Variants in RBM6 observed in about 807,000 individuals in gnomAD.
RBM6 encodes RNA binding motif protein 6.
A neutral mutation model predicts 140.4 loss-of-function variants in RBM6; 23 were observed. The ratio of observed to expected loss-of-function variants is 0.16; its 90% confidence interval spans 0.12 to 0.23. RBM6 has a LOEUF of 0.23. Ranked by LOEUF, RBM6 falls within the 10% of genes least tolerant of loss-of-function variation. The pLI is 1.00. For missense variants in RBM6, 1,139 were observed against 1,386.7 expected (o/e 0.82, Z 2.84); for synonymous variants, 439 against 475.6 (o/e 0.92, Z 1.00).
Position 50,022,576 on chromosome 3 carries a change from T to C in RBM6, c.1557+23063T>C, listed in dbSNP as rs559318912. ...AACTCCCGATCTTAGGTGATCTGCC[T>C]ACTTTGGCCTCCCAAAGTGCTGGGA... On this transcript the variant is annotated intron_variant, in intron 6 of 20. Transcript: ENST00000266022. 1.1e-4 allele frequency among the ~76,000 whole-genome samples: 17 copies of C among 152,280 alleles called. No homozygotes were observed. In the East Asian group the frequency reaches 3.3e-3, roughly 29 times the overall value.
chr3:50,076,660 C>T (rs1272998770), intron 20 of RBM6, among the ~76,000 whole-genome samples: 2 of 150,992 alleles, frequency 1.3e-5, no homozygotes, highest in African/African-American at 4.9e-5. Flanking sequence ...CCAAGGTGGG[C>T]GGATCACTTG....
Position 50,068,705 on chromosome 3 carries a change from C to T in RBM6, c.2959C>T (p.His987Tyr). 6.2e-7 allele frequency: 1 copy of T among 1,614,080 alleles called. No individual in the cohort carries two copies. The highest frequency in any genetic ancestry group is 8.5e-7 in the Non-Finnish European group (1 of 1,179,982). ...CTCTTCTCAGCAAAACCTGGAAATC[C>T]ACCGGAAGATAAAACAGTCTGAGCA... The part of the protein sequence containing the change: ...SDLHKQNLEI[H>Y]RKIKQSEQEL... Residue 987 changes from histidine (H) to tyrosine (Y), a missense_variant, in exon 18 of 21, where the codon CAC (histidine) becomes TAC (tyrosine). By Grantham distance (83) the His-to-Tyr change is moderately conservative. Transcript: ENST00000266022.
At position 50,048,362 on chromosome 3, in the gene RBM6, A is replaced by G. The variant is rs770398752; in HGVS notation, c.1632+43A>G. The G allele has an allele frequency of 1.1e-5, 17 of 1,593,346 alleles. No individual in the cohort carries two copies. In the East Asian group the frequency reaches 2.0e-4, roughly 19 times the overall value. On this transcript the variant is annotated intron_variant, in intron 7 of 20. Coordinates refer to ENST00000266022, the MANE Select transcript of RBM6 (RefSeq NM_005777.3). ...CTTTCTTTAGAAGTAAGTATCTGGA[A>G]TAACAGCTCCTCCATATCTCTAGGA...
At chr3:50,075,565 T>C (rs12494077) in intron 20 of RBM6, among the ~76,000 whole-genome samples, 11,997 of 152,132 alleles carry the variant, frequency 0.079, 523 homozygotes, top group African/African-American at 0.1. Flanking sequence ...TCATCATACT[T>C]TTACATGGAG....
At chr3:50,019,421 T>A (rs1039850369) in intron 6 of RBM6, among the ~76,000 whole-genome samples, 38 of 152,350 alleles carry the variant, frequency 2.5e-4, no homozygotes, top group Middle Eastern at 3.4e-3. Flanking sequence ...TGTCCTTTTC[T>A]TGGCTTATTG....
chr3:50,009,707 G>A (rs540233564), intron 6 of RBM6, among the ~76,000 whole-genome samples: 6 of 151,494 alleles, frequency 4.0e-5, no homozygotes, highest in South Asian at 4.2e-4. Flanking sequence ...ACAGGTGTGC[G>A]CCACCACACC....
chr3:50,008,579 G>A (rs1169105274), intron 6 of RBM6, among the ~76,000 whole-genome samples: 1 of 120,618 alleles, frequency 8.3e-6, no homozygotes, highest in East Asian at 2.6e-4. Context: ...TTTTGAGACG[G>A]ATCTTGCTCT....
intron 6 of RBM6, among the ~76,000 whole-genome samples, chr3:50,036,391 A>G (rs1457192504): frequency 6.6e-6 from 1 of 152,160 alleles, no homozygotes; most frequent in Non-Finnish European, 1.5e-5. Context: ...ATGCCTTTGT[A>G]GCACATGATC....
intron 5 of RBM6, among the ~76,000 whole-genome samples, chr3:49,991,142 G>A (rs1261563742): frequency 1.3e-5 from 2 of 152,126 alleles, no homozygotes; most frequent in African/African-American, 2.4e-5. Flanking sequence ...AAATACTTAT[G>A]TTTATCAGTT....
At chr3:50,052,388 C>T (rs1215411887) in intron 7 of RBM6, among the ~76,000 whole-genome samples, 3 of 152,082 alleles carry the variant, frequency 2.0e-5, no homozygotes, top group Non-Finnish European at 4.4e-5. Context: ...TTAAATTATA[C>T]CTACTAAGGT....
At chr3:49,973,069 T>C (rs1242659742) in intron 4 of RBM6, among the ~76,000 whole-genome samples, 1 of 152,084 alleles carries the variant, frequency 6.6e-6, no homozygotes, top group East Asian at 1.9e-4. Context: ...GACCTCAGGT[T>C]ATCTCCCTGC....
intron 5 of RBM6, among the ~76,000 whole-genome samples, chr3:49,986,519 C>T (rs1420037696): frequency 1.3e-5 from 2 of 148,628 alleles, no homozygotes; most frequent in African/African-American, 4.9e-5. Flanking sequence ...GGCATGAACC[C>T]GGGAGGCAGA....
chr3:50,007,644 C>T (rs1301314477), intron 6 of RBM6, among the ~76,000 whole-genome samples: 1 of 151,690 alleles, frequency 6.6e-6, no homozygotes, highest in Non-Finnish European at 1.5e-5. Flanking sequence ...ACCATTCTCT[C>T]GCCTCAGCCT....
Position 49,971,968 on chromosome 3 carries a change from A to G in RBM6, c.1324-91A>G, listed in dbSNP as rs1014219575. ...TATCTTCACGTGACATGTCATTATCATTTTTGATCCTGAGTGGCTAAATTT... is the reference window on the plus strand; with the variant it reads ...TATCTTCACGTGACATGTCATTATCGTTTTTGATCCTGAGTGGCTAAATTT... On this transcript the variant is annotated intron_variant, in intron 3 of 20. Transcript: ENST00000266022. 12 of 934,224 alleles carry G rather than the reference A, an allele frequency of 1.3e-5. No homozygotes were observed. In the Admixed American group the frequency reaches 1.9e-4, roughly 15 times the overall value. The allele number at this position is 934,224 out of a possible 1,614,324, so 57.9% of individuals were successfully genotyped here.
At chr3:49,995,146 A>G (rs560081800) in intron 5 of RBM6, among the ~76,000 whole-genome samples, 8 of 152,262 alleles carry the variant, frequency 5.3e-5, no homozygotes, top group African/African-American at 1.9e-4. Flanking sequence ...GTTGGCTTTT[A>G]TCATAGATAC....
chr3:50,026,245 C>T (rs1249720182), intron 6 of RBM6, among the ~76,000 whole-genome samples: 3 of 151,320 alleles, frequency 2.0e-5, no homozygotes, highest in Non-Finnish European at 4.4e-5. Flanking sequence ...CCACCATGCC[C>T]GGCTAATTTT....
At chr3:50,038,207 TG>T (rs2088662035) in intron 6 of RBM6, among the ~76,000 whole-genome samples, 1 of 152,138 alleles carries the variant, frequency 6.6e-6, no homozygotes, top group Non-Finnish European at 1.5e-5. Flanking sequence ...GGCTTTGTGA[TG>T]GGCTCAGCAG....
At chr3:49,949,155 A>G (rs1028626469) in intron 1 of RBM6, among the ~76,000 whole-genome samples, 2 of 151,692 alleles carry the variant, frequency 1.3e-5, no homozygotes, top group Admixed American at 1.3e-4. Context: ...CCATAATTAT[A>G]CAAGAATTTA....
At chr3:49,988,379 A>G (rs1056409717) in intron 5 of RBM6, among the ~76,000 whole-genome samples, 8 of 151,834 alleles carry the variant, frequency 5.3e-5, no homozygotes, top group African/African-American at 1.2e-4. Context: ...CCTAAGCTCA[A>G]ACAACCGTCC....
Sources: gnomAD v4.1 joint callset for allele counts (sites outside exome capture counted in the v4.1 genomes callset) on GRCh38, gnomAD v4.1.1 for gene constraint, MANE v1.5 for transcripts, NCBI Gene and HGNC (gene_info 2026-07-23, HGNC 2026-07-21) for gene names.